Variants in LPAR6 observed in about 807,000 individuals in gnomAD.
LPAR6 encodes the protein lysophosphatidic acid receptor 6.
In LPAR6, 17 loss-of-function variants were observed where a neutral mutation model predicts 22.0. The ratio of observed to expected loss-of-function variants is 0.77; its 90% CI spans 0.53 to 1.16. The LOEUF is 1.16. Ranked by LOEUF, LPAR6 falls within the 50% of genes most tolerant of loss-of-function variation. The pLI is 0.00. For synonymous variants in LPAR6, 136 were observed against 139.8 expected (o/e 0.97, Z 0.19); for missense variants, 384 against 406.9 (o/e 0.94, Z 0.48).
At position 48,412,181 on chromosome 13, in the gene LPAR6, A is replaced by G. The variant is rs752756537; in HGVS notation, c.243T>C (p.Asn81=). ...PFRIFYFTTR[N]WPFGDLLCKI... ...TACAAAGTAAATCTCCAAATGGCCAATTCCGTGTTGTGAAGTAAAAAATCC... is the reference window on the plus strand; with the variant it reads ...TACAAAGTAAATCTCCAAATGGCCAGTTCCGTGTTGTGAAGTAAAAAATCC... The change falls in exon 1 of 1, where the codon AAT becomes AAC. Residue 81 remains asparagine, a synonymous_variant. Transcript: ENST00000620633. 7.4e-6 allele frequency: 12 copies of G among 1,613,942 alleles called. No individual in the cohort carries two copies. In the Admixed American group the frequency reaches 1.5e-4, roughly 20 times the overall value.
chr13:48,395,045 G>T (rs575241342), intron 1 of LPAR6, among the ~76,000 whole-genome samples: 1 of 151,764 alleles, frequency 6.6e-6, no homozygotes, highest in Non-Finnish European at 1.5e-5. Flanking sequence ...GCTTCCAGAG[G>T]AAGGAACAGG....
chr13:48,408,471 A>G (rs1383656618), downstream of LPAR6, among the ~76,000 whole-genome samples: 1 of 152,100 alleles, frequency 6.6e-6, no homozygotes, highest in Non-Finnish European at 1.5e-5. Flanking sequence ...TTTTATGAAA[A>G]TGTTAATAAC....
chr13:48,406,610 A>G (rs904044315), downstream of LPAR6: 1 of 152,202 alleles, frequency 6.6e-6, no homozygotes, highest in African/African-American at 2.4e-5. Flanking sequence ...TGGTCTTAAC[A>G]TGGCATATAA....
At chr13:48,391,093 C>G (rs1344168645) in intron 1 of LPAR6, among the ~76,000 whole-genome samples, 2 of 151,846 alleles carry the variant, frequency 1.3e-5, no homozygotes, top group East Asian at 3.8e-4. Flanking sequence ...GTTTTATCTT[C>G]TTTGTAGGCT....
rs192374056 is a variant in LPAR6 at position 48,395,227 on chromosome 13, G to A, written n.115-5415C>T. Among the ~76,000 whole-genome samples the A allele has an allele frequency of 2.5e-3, 376 of 152,270 alleles. 3 individuals carry two copies. Among genetic ancestry groups the A allele is most frequent in the African/African-American group, 8.4e-3 (349 of 41,566 alleles). Reference sequence around the variant, plus strand: ...CATCAACAAAAAGGACGTCCACACAGAAACCCCATTTGAAGGTCATCAACA... The same window carrying A: ...CATCAACAAAAAGGACGTCCACACAAAAACCCCATTTGAAGGTCATCAACA... On this transcript the variant is annotated intron_variant and non_coding_transcript_variant, in intron 1 of 1. Coordinates refer to the LPAR6 transcript ENST00000462781.
At chr13:48,434,827 G>C (rs1949166856) in intron 1 of LPAR6, among the ~76,000 whole-genome samples, 1 of 152,116 alleles carries the variant, frequency 6.6e-6, no homozygotes, top group Admixed American at 6.6e-5. Context: ...GAATCAAACA[G>C]GATTAGTTTT....
intron 1 of LPAR6, among the ~76,000 whole-genome samples, chr13:48,394,457 C>T (rs754333142): frequency 1.3e-5 from 2 of 152,208 alleles, no homozygotes; most frequent in Non-Finnish European, 2.9e-5. Context: ...TGGTCTACCT[C>T]AGCGGATCCC....
Position 48,443,765 on chromosome 13 carries a change from C to T in LPAR6, c.-1474+788G>A, listed in dbSNP as rs151205904. On this transcript the variant is annotated intron_variant, in intron 1 of 6. Coordinates refer to the LPAR6 transcript ENST00000378434. ...TTAAATTTTCCATCTTAGGCACCTC[C>T]GTTGCTTTTAGACCTGGCTATGTTT... Among the ~76,000 whole-genome samples, 395 of 152,218 alleles carry T rather than the reference C, an allele frequency of 2.6e-3. 3 individuals are homozygous for T. The highest frequency in any genetic ancestry group is 8.8e-3 in the African/African-American group (367 of 41,522).
At chr13:48,392,091 G>C (rs1195870789) in intron 1 of LPAR6, among the ~76,000 whole-genome samples, 4 of 151,940 alleles carry the variant, frequency 2.6e-5, no homozygotes, top group African/African-American at 9.7e-5. Flanking sequence ...TTGCTCCACT[G>C]TCTTCTGGTT....
upstream of LPAR6, among the ~76,000 whole-genome samples, chr13:48,430,611 G>A (rs143095540): frequency 9.7e-3 from 1,474 of 152,186 alleles, 13 homozygotes; most frequent in Non-Finnish European, 0.015. Flanking sequence ...ATGGTGGCAC[G>A]TGCCTGTAGT....
chr13:48,432,686 G>C (rs997273020), intron 1 of LPAR6, among the ~76,000 whole-genome samples: 9 of 152,038 alleles, frequency 5.9e-5, no homozygotes, highest in African/African-American at 2.2e-4. Context: ...GACAGCCTAT[G>C]TCAACTGTCT....
intron 2 of LPAR6, among the ~76,000 whole-genome samples, chr13:48,421,951 C>T (rs1949012264): frequency 1.3e-5 from 2 of 152,110 alleles, no homozygotes; most frequent in African/African-American, 2.4e-5. Flanking sequence ...TTGTGGAAGA[C>T]AGTGTGGCGA....
chr13:48,415,053 A>C (rs900528413), upstream of LPAR6, among the ~76,000 whole-genome samples: 2 of 152,088 alleles, frequency 1.3e-5, no homozygotes, highest in Non-Finnish European at 2.9e-5. Flanking sequence ...ATCTTCTTTC[A>C]AATTGATAGT....
chr13:48,416,916 G>C (rs528520326), upstream of LPAR6, among the ~76,000 whole-genome samples: 10 of 152,338 alleles, frequency 6.6e-5, no homozygotes, highest in East Asian at 5.8e-4. Flanking sequence ...AGCAGCCCCA[G>C]TCAGGGGCTT....
downstream of LPAR6, chr13:48,408,500 A>G (rs1233278750): frequency 1.3e-5 from 2 of 152,176 alleles, no homozygotes; most frequent in African/African-American, 4.8e-5. Flanking sequence ...CAGTTTTTAT[A>G]GGGGGGCTTA....
upstream of LPAR6, among the ~76,000 whole-genome samples, chr13:48,429,833 C>A (rs748246378): frequency 3.3e-5 from 5 of 151,956 alleles, no homozygotes; most frequent in Non-Finnish European, 7.4e-5. Flanking sequence ...GTACAAAATA[C>A]CTTAGGAATA....
downstream of LPAR6, among the ~76,000 whole-genome samples, chr13:48,407,129 C>T (rs1427149502): frequency 6.6e-6 from 1 of 152,190 alleles, no homozygotes; most frequent in Non-Finnish European, 1.5e-5. Context: ...TGTAACGCTG[C>T]TGTAAGTATA....
intron 1 of LPAR6, among the ~76,000 whole-genome samples, chr13:48,425,358 C>A (rs1193111068): frequency 2.0e-5 from 3 of 152,170 alleles, no homozygotes; most frequent in Non-Finnish European, 4.4e-5. Context: ...TGCTATGTAA[C>A]CTAGTCCTAC....
At chr13:48,409,259 GA>G (rs1276511089), downstream of LPAR6, among the ~76,000 whole-genome samples, 1 of 150,082 alleles carries the variant, frequency 6.7e-6, no homozygotes, top group Admixed American at 6.7e-5. Context: ...AGGCATTAAA[GA>G]TGTATTTTGC....
Sources: allele counts gnomAD v4.1 joint callset (sites outside exome capture counted in the v4.1 genomes callset), GRCh38; gene constraint gnomAD v4.1.1; transcripts MANE v1.5; gene names NCBI Gene and HGNC (gene_info 2026-07-23, HGNC 2026-07-21).